ERC2: variants seen among roughly 807,000 people sequenced by gnomAD.
ERC2 encodes ELKS/RAB6-interacting/CAST family member 2.
A neutral mutation model predicts 114.8 loss-of-function variants in ERC2; 42 were observed. That is an observed-to-expected ratio of 0.37 (90% CI 0.29 to 0.47). ERC2 has a LOEUF of 0.47. Ranked by LOEUF, ERC2 falls within the 20% of genes least tolerant of loss-of-function variation. The pLI is 0.99. For synonymous variants in ERC2, 454 were observed against 425.5 expected (o/e 1.07, Z -0.82); for missense variants, 939 against 1,150.7 (o/e 0.82, Z 2.66).
chr3:55,509,390 G>A lies in ERC2; in HGVS notation c.*1926C>T, dbSNP rs942271536. 6.6e-6 allele frequency: 1 copy of A among 152,604 alleles called. No individual in the cohort carries two copies. The highest frequency in any genetic ancestry group is 2.4e-5 in the African/African-American group (1 of 41,436). 9.5% of individuals were successfully genotyped at this position (152,604 alleles called of 1,614,324 possible). ...CCAAACTGTTCACTGGGACACATTT[G>A]TGGCCTGGGTTTTCAGTGCAACATT... On this transcript the variant is annotated 3_prime_UTR_variant, in exon 18 of 18. Transcript: ENST00000288221.
chr3:56,064,760 G>GCAA (rs1310509270), intron 7 of ERC2, among the ~76,000 whole-genome samples: 1 of 132,534 alleles, frequency 7.5e-6, no homozygotes, highest in Non-Finnish European at 1.7e-5. Flanking sequence ...TTGCCTAGAG[G>GCAA]CTGTAAGAAC....
At chr3:55,991,603 AT>A (rs1235669839) in intron 11 of ERC2, among the ~76,000 whole-genome samples, 13 of 152,324 alleles carry the variant, frequency 8.5e-5, no homozygotes, top group African/African-American at 3.1e-4. Context: ...TCCAAAGGAT[AT>A]GAGCTCCTTC....
intron 14 of ERC2, among the ~76,000 whole-genome samples, chr3:55,887,599 C>G (rs1328672627): frequency 6.6e-6 from 1 of 152,200 alleles, no homozygotes; most frequent in Non-Finnish European, 1.5e-5. Context: ...TCTTCACAAA[C>G]AGACCTATTG....
intron 3 of ERC2, among the ~76,000 whole-genome samples, chr3:56,266,637 T>A (rs1047493162): frequency 6.6e-6 from 1 of 152,170 alleles, no homozygotes; most frequent in Non-Finnish European, 1.5e-5. Context: ...GGCACATGCC[T>A]TTAGTCCCAG....
At chr3:56,153,134 C>T (rs2149964073) in intron 4 of ERC2, among the ~76,000 whole-genome samples, 2 of 152,192 alleles carry the variant, frequency 1.3e-5, no homozygotes, top group East Asian at 1.9e-4. Flanking sequence ...TAATAGTAAA[C>T]TTAGACAAGG....
chr3:55,571,628 C>T (rs553379774), intron 17 of ERC2, among the ~76,000 whole-genome samples: 30 of 152,282 alleles, frequency 2.0e-4, no homozygotes, highest in Admixed American at 5.2e-4. Context: ...CCCACGTTTT[C>T]CCCTGGCTCC....
At chr3:56,220,999 C>A (rs550885311) in intron 3 of ERC2, among the ~76,000 whole-genome samples, 4 of 151,872 alleles carry the variant, frequency 2.6e-5, no homozygotes, top group Non-Finnish European at 5.9e-5. Flanking sequence ...GAGCATGCAC[C>A]CTTAGTATAT....
chr3:56,143,588 T>G (rs775991240), intron 5 of ERC2, among the ~76,000 whole-genome samples: 19 of 152,212 alleles, frequency 1.2e-4, no homozygotes, highest in Non-Finnish European at 2.8e-4. Flanking sequence ...CCACCATGAT[T>G]GTGAGGCCTC....
chr3:55,728,667 C>T (rs958053919), intron 15 of ERC2, among the ~76,000 whole-genome samples: 2 of 152,164 alleles, frequency 1.3e-5, no homozygotes, highest in Non-Finnish European at 2.9e-5. Flanking sequence ...AGTTTGAAAA[C>T]AGCTGGCCTG....
intron 1 of ERC2, 111 bp from the exon 2 acceptor site, chr3:56,435,258 T>C: frequency 2.5e-6 from 1 of 394,558 alleles, no homozygotes. Context: ...AGATAGGTGA[T>C]TAATAATAGA....
At chr3:56,407,335 G>C (rs1004226767) in intron 2 of ERC2, among the ~76,000 whole-genome samples, 1 of 152,154 alleles carries the variant, frequency 6.6e-6, no homozygotes, top group Non-Finnish European at 1.5e-5. Flanking sequence ...TTAAGTCCAA[G>C]TCCACTTCCT....
rs77695463 is a variant in ERC2 at position 55,996,959 on chromosome 3, C to A, written c.2062-4709G>T. The stretch of plus-strand genomic sequence containing the variant: ...AGTATCAAAATCATACGTCTATTTA[C>A]ATTTAATCTTCTAAAGACTGGTCAT... On this transcript the variant is annotated intron_variant, in intron 10 of 17. Transcript: ENST00000288221. 7.0e-4 allele frequency among the ~76,000 whole-genome samples: 106 copies of A among 152,292 alleles called. 2 individuals are homozygous for A. The East Asian group carries it at 0.013, about 18-fold the overall frequency.
intron 17 of ERC2, among the ~76,000 whole-genome samples, chr3:55,522,494 T>C (rs1444071460): frequency 2.1e-5 from 3 of 143,380 alleles, no homozygotes; most frequent in Non-Finnish European, 4.6e-5. Flanking sequence ...CTTCCCACCC[T>C]CCCTTGCCCA....
chr3:56,303,406 A>T (rs1335952899), intron 2 of ERC2, among the ~76,000 whole-genome samples: 2 of 152,188 alleles, frequency 1.3e-5, no homozygotes, highest in East Asian at 3.8e-4. Flanking sequence ...AAGGGGAGAT[A>T]AATAGCTTGG....
chr3:56,319,413 A>G (rs2057023504), intron 2 of ERC2, among the ~76,000 whole-genome samples: 1 of 152,244 alleles, frequency 6.6e-6, no homozygotes, highest in South Asian at 2.1e-4. Context: ...ACATTACGTG[A>G]TTCCACTGAT....
intron 14 of ERC2, among the ~76,000 whole-genome samples, chr3:55,792,912 A>C (rs1396189609): frequency 6.6e-6 from 1 of 152,184 alleles, no homozygotes; most frequent in East Asian, 1.9e-4. Flanking sequence ...AGGGAAGACA[A>C]ATGTCAAGTC....
chr3:56,252,336 G>T (rs1268549172), intron 3 of ERC2, among the ~76,000 whole-genome samples: 1 of 152,108 alleles, frequency 6.6e-6, no homozygotes. Context: ...GAGTGTGTGA[G>T]AGTTATTTCT....
intron 2 of ERC2, among the ~76,000 whole-genome samples, chr3:56,343,192 T>TCTCTCTCTCTCTCTCACA (rs1376220124): frequency 7.1e-5 from 9 of 126,210 alleles, no homozygotes; most frequent in African/African-American, 2.7e-4. Context: ...TCTCTCTCTC[T>TCTCTCTCTCTCTCTCACA]CACACACACA....
At chr3:55,623,409 C>T (rs2059395263) in intron 17 of ERC2, among the ~76,000 whole-genome samples, 1 of 152,208 alleles carries the variant, frequency 6.6e-6, no homozygotes, top group Admixed American at 6.5e-5. Context: ...CCAAGTTTCT[C>T]TTCAAAGAAT....
Sources: allele counts gnomAD v4.1 joint callset (sites outside exome capture counted in the v4.1 genomes callset), GRCh38; gene constraint gnomAD v4.1.1; transcripts MANE v1.5; gene names NCBI Gene and HGNC (gene_info 2026-07-23, HGNC 2026-07-21).